PKHD1L1: variants seen among roughly 807,000 people sequenced by gnomAD.
PKHD1L1 encodes the protein fibrocystin-L.
PKHD1L1 carries 434 observed loss-of-function variants against 462.9 expected under a neutral mutation model. The observed-to-expected ratio is 0.94, with a 90% CI of 0.87 to 1.02. The LOEUF (loss-of-function observed/expected upper bound fraction) is 1.02, where lower values mean the gene tolerates loss of function less well. Among genes scored for constraint, PKHD1L1 ranks in the 50% least tolerant of loss-of-function variants. The pLI is 0.00. For missense variants in PKHD1L1, 5,202 were observed against 5,096.1 expected, an observed-to-expected ratio of 1.02 and a Z score of -0.63; for synonymous variants, 1,781 against 1,750.0, an observed-to-expected ratio of 1.02 and a Z score of -0.44.
intron 50 of PKHD1L1, among the ~76,000 whole-genome samples, chr8:109,469,815 G>A (rs1349246167): frequency 6.6e-6 from 1 of 152,048 alleles, no homozygotes; most frequent in Non-Finnish European, 1.5e-5. Context: ...TTTAAAGTCT[G>A]TGGTACAATA....
chr8:109,490,078 T>A (rs779824701), intron 60 of PKHD1L1, 23 bp downstream of exon 60: 6 of 1,418,632 alleles, frequency 4.2e-6, no homozygotes, highest in Non-Finnish European at 4.8e-6. Flanking sequence ...TTTTTAATTT[T>A]GTGTATATTA....
intron 71 of PKHD1L1, among the ~76,000 whole-genome samples, chr8:109,512,508 A>G (rs991590044): frequency 2.6e-5 from 4 of 151,990 alleles, no homozygotes; most frequent in African/African-American, 9.7e-5. Flanking sequence ...ATAGTTGTAG[A>G]TATGCGGCAT....
intron 2 of PKHD1L1, among the ~76,000 whole-genome samples, chr8:109,374,291 A>G (rs1442197969): frequency 3.3e-5 from 5 of 152,140 alleles, no homozygotes; most frequent in African/African-American, 4.8e-5. Flanking sequence ...TTGTTGGTTT[A>G]AAGTCTGTTT....
intron 21 of PKHD1L1, among the ~76,000 whole-genome samples, chr8:109,415,159 C>T (rs1027812795): frequency 1.3e-5 from 2 of 151,536 alleles, no homozygotes; most frequent in Non-Finnish European, 2.9e-5. Flanking sequence ...TGCACTACCA[C>T]GCCCAGCTAA....
At chr8:109,470,560 A>G in intron 50 of PKHD1L1, 2 of 1,607,482 alleles carry the variant, frequency 1.2e-6, no homozygotes, top group South Asian at 1.1e-5. Context: ...TGCAGGAACT[A>G]TTCAGCTTAG....
intron 11 of PKHD1L1, among the ~76,000 whole-genome samples, chr8:109,397,990 G>C (rs964010349): frequency 2.0e-5 from 3 of 152,066 alleles, no homozygotes; most frequent in African/African-American, 7.2e-5. Context: ...CTGTGAAAAT[G>C]CCATTTAACA....
chr8:109,381,678 A>G (rs1812124514), intron 3 of PKHD1L1, among the ~76,000 whole-genome samples, 164 bp downstream of exon 3: 1 of 152,044 alleles, frequency 6.6e-6, no homozygotes, highest in South Asian at 2.1e-4. Context: ...TATTTTATGC[A>G]TTTATTATAT....
In PKHD1L1 at chr8:109,511,663, ATG is replaced by A. The variant is rs889699735; in HGVS notation, c.11553+733_11553+734del. ...AGTGCCACAATAAACATACGTGTGCATGTGTCTTTATAGAAGCATGATTTATA... is the reference window on the plus strand; with the variant it reads ...AGTGCCACAATAAACATACGTGTGCATGTCTTTATAGAAGCATGATTTATA... On this transcript the variant is annotated intron_variant, in intron 71 of 77. Transcript: ENST00000378402. Among the ~76,000 whole-genome samples, 19 of 152,244 alleles carry A rather than the reference ATG, an allele frequency of 1.2e-4. 1 individual carries two copies. Among genetic ancestry groups the A allele is most frequent in the African/African-American group, 4.6e-4 (19 of 41,530 alleles).
In PKHD1L1 at chr8:109,456,253, T is replaced by C. The variant is rs1415888004; in HGVS notation, c.6875-9T>C. 1.2e-6 allele frequency: 2 copies of C among 1,608,940 alleles called. No homozygotes were observed. The highest frequency in any genetic ancestry group is 1.7e-6 in the Non-Finnish European group (2 of 1,178,042). On this transcript the variant is annotated splice_polypyrimidine_tract_variant and intron_variant, in intron 45 of 77. Transcript: ENST00000378402. Reference sequence around the variant, plus strand: ...GTAAGGAAATACTCAGTGTGTATGTTGGTTCTAGGTGTGCCTGTTCCTGTG... The same window carrying C: ...GTAAGGAAATACTCAGTGTGTATGTCGGTTCTAGGTGTGCCTGTTCCTGTG...
chr8:109,417,828 G>A (rs1472958477), intron 21 of PKHD1L1, among the ~76,000 whole-genome samples: 1 of 152,164 alleles, frequency 6.6e-6, no homozygotes, highest in African/African-American at 2.4e-5. Flanking sequence ...GGGATTACAG[G>A]CGTGAGCCAC....
rs1488877290 is a variant in PKHD1L1 at position 109,445,237 on chromosome 8, G to C, written c.5368G>C (p.Ala1790Pro). Reference protein sequence around the residue: ...AVFIGNQQFRAIEVNENNITA... With the variant: ...AVFIGNQQFRPIEVNENNITA... The stretch of plus-strand genomic sequence containing the variant: ...TTTCATTGGAAATCAACAGTTCAGA[G>C]CAATAGAGGTTAATGAAAACAACAT... Residue 1790 changes from alanine (A) to proline (P), a missense_variant, in exon 38 of 78, where the codon GCA (alanine) becomes CCA (proline). This residue lies in a region of PKHD1L1 where 4,497 missense variants were observed against 4,336.8 expected (regional missense o/e 1.04). Transcript: ENST00000378402. 2 of 1,613,990 alleles carry C rather than the reference G, an allele frequency of 1.2e-6. No individual in the cohort carries two copies. Among genetic ancestry groups the C allele is most frequent in the East Asian group, 4.5e-5 (2 of 44,880 alleles).
intron 67 of PKHD1L1, among the ~76,000 whole-genome samples, chr8:109,500,991 A>G (rs886419394): frequency 6.6e-6 from 1 of 152,042 alleles, no homozygotes; most frequent in Non-Finnish European, 1.5e-5. Context: ...TGACCTCCAG[A>G]CTCATAGAAC....
At chr8:109,486,534 T>C (rs982749899) in intron 58 of PKHD1L1, 114 bp from the exon 59 acceptor site, 1 of 858,224 alleles carries the variant, frequency 1.2e-6, no homozygotes, top group African/African-American at 1.7e-5. Flanking sequence ...TAATCATGCA[T>C]TCATGTTCAT....
intron 11 of PKHD1L1, 112 bp from the exon 12 acceptor site, chr8:109,398,347 G>A (rs775686924): frequency 1.4e-5 from 9 of 661,312 alleles, no homozygotes; most frequent in Non-Finnish European, 2.2e-5. Context: ...CCCTAATTTT[G>A]CCTCTTGTTT....
At position 109,429,353 on chromosome 8, in the gene PKHD1L1, A is replaced by C. The variant is rs73307391; in HGVS notation, c.3014A>C (p.Asn1005Thr). The C allele has an allele frequency of 7.9e-6, 12 of 1,522,690 alleles. No individual in the cohort carries two copies. The highest frequency in any genetic ancestry group is 1.1e-5 in the Non-Finnish European group (12 of 1,112,382). 94.3% of individuals were successfully genotyped at this position (1,522,690 alleles called of 1,614,324 possible). The change falls in exon 26 of 78, where the codon AAC (asparagine) becomes ACC (threonine). Residue 1005 changes from asparagine (N) to threonine (T), a missense_variant. Physicochemically the swap from Asn to Thr is moderately conservative, Grantham distance 65. Around this residue, in one of 3 missense-constraint regions of PKHD1L1, gnomAD observed 4,497 missense variants for 4,336.8 expected, o/e 1.04. Transcript: ENST00000378402. ...KQNLLQINDSNIIGEKANMTV... is the reference protein window; with the variant it reads ...KQNLLQINDSTIIGEKANMTV... ...GTGTAAAAATAGATTAATGATTCCA[A>C]CATTATTGGAGAAAAGGCTAATATG... is the stretch of plus-strand genomic sequence containing the variant.
intron 23 of PKHD1L1, among the ~76,000 whole-genome samples, chr8:109,422,886 C>T (rs1035949172): frequency 6.6e-6 from 1 of 152,098 alleles, no homozygotes; most frequent in African/African-American, 2.4e-5. Context: ...TTGGTGATGT[C>T]ACTATTTTTA....
At chr8:109,526,457 CCT>C (rs1820819262) in intron 76 of PKHD1L1, among the ~76,000 whole-genome samples, 1 of 152,188 alleles carries the variant, frequency 6.6e-6, no homozygotes, top group African/African-American at 2.4e-5. Flanking sequence ...AGCACCCTCA[CCT>C]CTCTTCCCTA....
chr8:109,426,231 A>G (rs982374785), intron 24 of PKHD1L1, among the ~76,000 whole-genome samples: 2 of 133,014 alleles, frequency 1.5e-5, no homozygotes, highest in African/African-American at 7.1e-5. Context: ...TTACAAATTA[A>G]CATTGTTATT....
Position 109,483,064 on chromosome 8 carries a change from G to C in PKHD1L1, c.9535G>C (p.Gly3179Arg). The C allele has an allele frequency of 6.2e-7, 1 of 1,602,168 alleles. No homozygotes were observed. The change falls in exon 57 of 78, where the codon GGT (glycine) becomes CGT (arginine). Residue 3179 changes from glycine to arginine, a missense_variant. Around this residue, in one of 3 missense-constraint regions of PKHD1L1, gnomAD observed 4,497 missense variants for 4,336.8 expected, o/e 1.04. Transcript: ENST00000378402. Reference protein sequence around the residue: ...KTKLSETAFAGSKVLSLMDAV... With the variant: ...KTKLSETAFARSKVLSLMDAV... Reference sequence around the variant, plus strand: ...TAAGCTCTCAGAAACTGCATTTGCAGGTTCCAAAGTCCTGTCTCTGATGGA... The same window carrying C: ...TAAGCTCTCAGAAACTGCATTTGCACGTTCCAAAGTCCTGTCTCTGATGGA...
Sources: gnomAD v4.1 joint callset for allele counts (sites outside exome capture counted in the v4.1 genomes callset) on GRCh38, gnomAD v4.1.1 for gene constraint, gnomAD v4.1.1 regional missense constraint, MANE v1.5 for transcripts, NCBI Gene and HGNC (gene_info 2026-07-23, HGNC 2026-07-21) for gene names.